Variants in PLXDC2 observed in about 807,000 individuals in gnomAD.
PLXDC2 encodes plexin domain-containing protein 2.
PLXDC2 carries 40 observed loss-of-function variants against 68.9 expected under a neutral mutation model. The ratio of observed to expected loss-of-function variants is 0.58; its 90% CI spans 0.45 to 0.76. PLXDC2 has a LOEUF of 0.76. Ranked by LOEUF, PLXDC2 falls within the 30% of genes least tolerant of loss-of-function variation. The pLI is 0.00. For synonymous variants in PLXDC2, 243 were observed against 234.2 expected (o/e 1.04, Z -0.34); for missense variants, 644 against 661.9 (o/e 0.97, Z 0.30).
intron 3 of PLXDC2, among the ~76,000 whole-genome samples, chr10:20,064,908 TG>T (rs573661501): frequency 0.42 from 438 of 1,044 alleles, 11 homozygotes; most frequent in East Asian, 0.52. Context: ...TTTGTTTGTT[TG>T]GTTTTTTTTT....
At chr10:20,166,182 C>G (rs1432370391) in intron 7 of PLXDC2, among the ~76,000 whole-genome samples, 1 of 152,070 alleles carries the variant, frequency 6.6e-6, no homozygotes, top group African/African-American at 2.4e-5. Flanking sequence ...GGAAGCTTTA[C>G]TTTTTAAAGC....
At chr10:20,048,152 G>A (rs1278227024) in intron 3 of PLXDC2, among the ~76,000 whole-genome samples, 1 of 152,062 alleles carries the variant, frequency 6.6e-6, no homozygotes, top group African/African-American at 2.4e-5. Flanking sequence ...ATTTAAAGAG[G>A]CATTGATTTG....
At chr10:19,976,122 A>G (rs193198945) in intron 1 of PLXDC2, among the ~76,000 whole-genome samples, 1 of 152,210 alleles carries the variant, frequency 6.6e-6, no homozygotes, top group African/African-American at 2.4e-5. Context: ...TCGTTTCTCC[A>G]CACAATTTTG....
chr10:20,149,018 G>A (rs1270170272), intron 6 of PLXDC2, among the ~76,000 whole-genome samples: 2 of 151,834 alleles, frequency 1.3e-5, no homozygotes, highest in South Asian at 4.1e-4. Context: ...GTGTAAACAG[G>A]TTATAATTAT....
At chr10:20,211,614 A>C in intron 9 of PLXDC2, 55 bp from the exon 10 acceptor site, 1 of 1,530,886 alleles carries the variant, frequency 6.5e-7, no homozygotes, top group Non-Finnish European at 9.0e-7. Flanking sequence ...ATTTCTGTCC[A>C]CCACCCTGCA....
chr10:20,211,651 T>A lies in PLXDC2; in HGVS notation c.1062-18T>A, dbSNP rs752873880. The stretch of plus-strand genomic sequence containing the variant: ...CCTATCCTTCCTTTTCTGAACTGCA[T>A]TGTGGTCTTCTTTGAAGATGTTCCA... On this transcript the variant is annotated intron_variant, in intron 9 of 13. Coordinates refer to ENST00000377252, the MANE Select transcript of PLXDC2 (RefSeq NM_032812.9). 5 of 1,612,234 alleles carry A rather than the reference T, an allele frequency of 3.1e-6. No individual in the cohort carries two copies. The East Asian group carries it at 1.1e-4, about 36-fold the overall frequency.
chr10:20,039,380 T>TA (rs1310306473), intron 2 of PLXDC2, among the ~76,000 whole-genome samples: 2 of 151,996 alleles, frequency 1.3e-5, no homozygotes, highest in African/African-American at 2.4e-5. Context: ...CGGCAATTAG[T>TA]AAAAAAAATT....
chr10:20,086,873 AC>A (rs1202121688), intron 4 of PLXDC2, among the ~76,000 whole-genome samples: 1 of 152,186 alleles, frequency 6.6e-6, no homozygotes, highest in African/African-American at 2.4e-5. Flanking sequence ...TGCCACTTAT[AC>A]ATGGCTTGTA....
intron 1 of PLXDC2, among the ~76,000 whole-genome samples, chr10:19,935,729 G>C (rs925848648): frequency 2.0e-5 from 3 of 152,344 alleles, no homozygotes; most frequent in East Asian, 3.9e-4. Context: ...CCCCAAGGAA[G>C]TGCAGCAAAC....
At chr10:20,191,503 T>G (rs1404464854) in intron 9 of PLXDC2, among the ~76,000 whole-genome samples, 1 of 151,586 alleles carries the variant, frequency 6.6e-6, no homozygotes, top group East Asian at 1.9e-4. Context: ...ACCCATGCCC[T>G]CATCAGAATT....
chr10:20,151,576 T>C (rs1185198267), intron 6 of PLXDC2, among the ~76,000 whole-genome samples: 5 of 152,170 alleles, frequency 3.3e-5, no homozygotes, highest in Admixed American at 6.5e-5. Context: ...TTTCTCTGCC[T>C]AAAGAGATTA....
chr10:20,223,403 C>T (rs1835243347), intron 12 of PLXDC2, among the ~76,000 whole-genome samples: 1 of 151,056 alleles, frequency 6.6e-6, no homozygotes. Flanking sequence ...GCCTCTGCCT[C>T]CTGGGTTCAA....
rs532227387 is a variant in PLXDC2 at position 19,878,635 on chromosome 10, T to C, written c.112+61444T>C. 5.3e-5 allele frequency among the ~76,000 whole-genome samples: 8 copies of C among 152,336 alleles called. 1 individual carries two copies. The highest frequency in any genetic ancestry group is 1.9e-4 in the African/African-American group (8 of 41,580). On this transcript the variant is annotated intron_variant, in intron 1 of 13. Transcript: ENST00000377252. The stretch of plus-strand genomic sequence containing the variant: ...GATTATTTAATCCATCAATAAGCTA[T>C]CCTTACCCCCGACAGTTAATTGAAG...
intron 1 of PLXDC2, among the ~76,000 whole-genome samples, chr10:19,939,821 TG>T (rs1476592600): frequency 1.3e-5 from 2 of 152,016 alleles, no homozygotes; most frequent in African/African-American, 4.8e-5. Context: ...TTGGATGACA[TG>T]TGACAAATAT....
intron 1 of PLXDC2, among the ~76,000 whole-genome samples, chr10:19,958,722 T>G (rs1834109530): frequency 6.6e-6 from 1 of 152,190 alleles, no homozygotes; most frequent in Non-Finnish European, 1.5e-5. Context: ...TTTGTTTAAA[T>G]TTTATCTTAA....
At chr10:20,087,357 A>G (rs1014373102) in intron 4 of PLXDC2, among the ~76,000 whole-genome samples, 1 of 152,202 alleles carries the variant, frequency 6.6e-6, no homozygotes, top group African/African-American at 2.4e-5. Flanking sequence ...ATTTAAGATA[A>G]TTTATTACTA....
At chr10:19,989,874 C>T (rs184949926) in intron 1 of PLXDC2, among the ~76,000 whole-genome samples, 14 of 151,724 alleles carry the variant, frequency 9.2e-5, no homozygotes, top group Admixed American at 5.3e-4. Flanking sequence ...CTCAGCCTCA[C>T]GAGTAGCTGT....
At chr10:19,861,932 T>C (rs1169182657) in intron 1 of PLXDC2, among the ~76,000 whole-genome samples, 2 of 152,206 alleles carry the variant, frequency 1.3e-5, no homozygotes, top group Non-Finnish European at 2.9e-5. Context: ...GCTACTCACA[T>C]TGATTAACAA....
intron 1 of PLXDC2, among the ~76,000 whole-genome samples, chr10:19,926,225 G>C (rs546919221): frequency 3.3e-5 from 5 of 152,178 alleles, no homozygotes; most frequent in African/African-American, 9.6e-5. Flanking sequence ...ATCATCCCAT[G>C]GTATAAAATA....
Sources: gnomAD v4.1 joint callset for allele counts (sites outside exome capture counted in the v4.1 genomes callset) on GRCh38, gnomAD v4.1.1 for gene constraint, MANE v1.5 for transcripts, NCBI Gene and HGNC (gene_info 2026-07-23, HGNC 2026-07-21) for gene names.